STK38: variants seen among roughly 807,000 people sequenced by gnomAD.
STK38 encodes the protein serine/threonine kinase 38.
In STK38, 26 loss-of-function variants were observed where a neutral mutation model predicts 59.0. The observed-to-expected ratio is 0.44, with a 90% CI of 0.32 to 0.61. The LOEUF (loss-of-function observed/expected upper bound fraction) is 0.61. STK38 is among the 20% of genes least tolerant of loss of function. The pLI, the probability that STK38 is intolerant of heterozygous loss-of-function variation, is 0.04. For missense variants in STK38, 433 were observed against 566.0 expected, an observed-to-expected ratio of 0.76 and a Z score of 2.38; for synonymous variants, 175 against 176.6, an observed-to-expected ratio of 0.99 and a Z score of 0.07.
intron 3 of STK38, among the ~76,000 whole-genome samples, chr6:36,524,865 G>A (rs1170709822): frequency 1.3e-5 from 2 of 152,126 alleles, no homozygotes; most frequent in Non-Finnish European, 2.9e-5. Flanking sequence ...ATTTCTACAA[G>A]TATTGGGTAT....
chr6:36,517,779 T>C lies in STK38; in HGVS notation c.452A>G (p.Lys151Arg). The C allele has an allele frequency of 6.2e-7, 1 of 1,614,156 alleles. No homozygotes were observed. The highest frequency in any genetic ancestry group is 8.5e-7 in the Non-Finnish European group (1 of 1,180,016). ...LVEADSLWVVKMFYSFQDKLN... is the reference protein window; with the variant it reads ...LVEADSLWVVRMFYSFQDKLN... Reference sequence around the variant, plus strand: ...CTTATCCTGAAAACTATAGAACATTTTCACAACCCACAAACTGTCTGCCTC... The same window carrying C: ...CTTATCCTGAAAACTATAGAACATTCTCACAACCCACAAACTGTCTGCCTC... The change falls in exon 6 of 14, where the codon AAA (lysine) becomes AGA (arginine). Residue 151 changes from lysine to arginine, a missense_variant. Around this residue, in one of 3 missense-constraint regions of STK38, gnomAD observed 293 missense variants for 388.2 expected, o/e 0.75. Coordinates refer to ENST00000229812, the MANE Select transcript of STK38 (RefSeq NM_007271.4).
chr6:36,540,241 G>C (rs1205611055), intron 1 of STK38, 34 bp from the exon 2 acceptor site: 2 of 1,611,088 alleles, frequency 1.2e-6, no homozygotes, highest in Non-Finnish European at 1.7e-6. Context: ...TGTTAGATTT[G>C]GAGTTAGAAT....
chr6:36,522,739 C>CCAGTTATT (rs1208275879), intron 4 of STK38, among the ~76,000 whole-genome samples: 1 of 150,526 alleles, frequency 6.6e-6, no homozygotes, highest in African/African-American at 2.4e-5. Context: ...GCCTGTAATC[C>CCAGTTATT]CAGTTATTCG....
intron 12 of STK38, among the ~76,000 whole-genome samples, chr6:36,497,564 T>C (rs1776735139): frequency 6.6e-6 from 1 of 152,176 alleles, no homozygotes; most frequent in Admixed American, 6.5e-5. Context: ...TCACTTCACT[T>C]TGTAAATAAC....
chr6:36,536,393 A>C (rs1777791201), intron 2 of STK38, among the ~76,000 whole-genome samples: 1 of 152,284 alleles, frequency 6.6e-6, no homozygotes, highest in East Asian at 1.9e-4. Flanking sequence ...GTTTCTGGCC[A>C]GGCACCGTAG....
At chr6:36,514,525 CTTTACGGAT>C (rs200009349) in intron 7 of STK38, among the ~76,000 whole-genome samples, 1,807 of 152,202 alleles carry the variant, frequency 0.012, 20 homozygotes, top group Non-Finnish European at 0.017. Context: ...AGTATTTTCA[CTTTACGGAT>C]AAGAACAGTG....
chr6:36,497,603 C>T (rs626516), intron 12 of STK38, among the ~76,000 whole-genome samples, 177 bp downstream of exon 12: 125,755 of 152,248 alleles, frequency 0.83, 52,257 homozygotes, highest in East Asian at 0.94. Context: ...CCATGACACA[C>T]GGCTGACAAA....
At chr6:36,514,681 A>G (rs1273356430) in intron 7 of STK38, among the ~76,000 whole-genome samples, 1 of 151,990 alleles carries the variant, frequency 6.6e-6, no homozygotes, top group Non-Finnish European at 1.5e-5. Context: ...AAAAATAAAC[A>G]GGCCATTTAA....
intron 2 of STK38, among the ~76,000 whole-genome samples, chr6:36,530,558 T>C (rs1015239694): frequency 6.6e-6 from 1 of 151,674 alleles, no homozygotes; most frequent in Non-Finnish European, 1.5e-5. Flanking sequence ...AGAGATGGGG[T>C]TTCACCATGT....
At chr6:36,505,766 T>C (rs1027809776) in intron 9 of STK38, among the ~76,000 whole-genome samples, 7 of 152,188 alleles carry the variant, frequency 4.6e-5, no homozygotes, top group African/African-American at 1.4e-4. Flanking sequence ...AAATGTTAGT[T>C]TGGCTTTACC....
chr6:36,507,365 A>G (rs1582413810), intron 8 of STK38, 135 bp downstream of exon 8: 2 of 756,662 alleles, frequency 2.6e-6, no homozygotes, highest in South Asian at 3.5e-5. Context: ...ATCACAGGCA[A>G]ACCTGGGAAG....
chr6:36,525,722 T>A, intron 2 of STK38, 80 bp from the exon 3 acceptor site: 1 of 1,170,006 alleles, frequency 8.5e-7, no homozygotes, highest in Non-Finnish European at 1.2e-6. Context: ...AATACTGTAG[T>A]AGATTTTTAA....
chr6:36,510,869 T>C (rs1453156742), intron 7 of STK38, among the ~76,000 whole-genome samples: 1 of 152,182 alleles, frequency 6.6e-6, no homozygotes, highest in Non-Finnish European at 1.5e-5. Flanking sequence ...TGCCATCTTA[T>C]CTCATCTGGA....
At chr6:36,528,661 G>A (rs1335805269) in intron 2 of STK38, among the ~76,000 whole-genome samples, 3 of 152,214 alleles carry the variant, frequency 2.0e-5, no homozygotes, top group African/African-American at 7.2e-5. Context: ...CATTGCAAGT[G>A]GTTAGGTAGT....
intron 3 of STK38, among the ~76,000 whole-genome samples, chr6:36,524,718 A>G (rs1777469137): frequency 6.6e-6 from 1 of 152,224 alleles, no homozygotes; most frequent in Non-Finnish European, 1.5e-5. Context: ...TACTTCAGCA[A>G]TCCACTATCC....
chr6:36,506,827 A>G (rs1776973950), intron 8 of STK38, among the ~76,000 whole-genome samples, 183 bp from the exon 9 acceptor site: 1 of 150,226 alleles, frequency 6.7e-6, no homozygotes, highest in Non-Finnish European at 1.5e-5. Context: ...GAGGCTGTAA[A>G]GCATTAACTT....
chr6:36,501,787 C>T (rs749133066), intron 9 of STK38, among the ~76,000 whole-genome samples: 7 of 152,142 alleles, frequency 4.6e-5, no homozygotes, highest in Admixed American at 1.3e-4. Context: ...CATTTCTCTG[C>T]CGTATGCTAT....
At chr6:36,527,315 T>TAC (rs1046688651) in intron 2 of STK38, among the ~76,000 whole-genome samples, 1 of 85,942 alleles carries the variant, frequency 1.2e-5, no homozygotes, top group African/African-American at 5.2e-5. Context: ...TACGTATATA[T>TAC]ACACACATAT....
chr6:36,498,589 C>CTTT (rs374274208), intron 10 of STK38, 103 bp from the exon 11 acceptor site: 134 of 935,902 alleles, frequency 1.4e-4, no homozygotes, highest in Middle Eastern at 3.8e-4. Context: ...TTTCTTTTTT[C>CTTT]TTTTTTTTTT....
Sources: allele counts gnomAD v4.1 joint callset (sites outside exome capture counted in the v4.1 genomes callset), GRCh38; gene constraint gnomAD v4.1.1; regional missense constraint gnomAD v4.1.1; transcripts MANE v1.5; gene names NCBI Gene and HGNC (gene_info 2026-07-23, HGNC 2026-07-21).